Variants in EML6 observed in about 807,000 individuals in gnomAD.
EML6 encodes the protein echinoderm microtubule-associated protein-like 6.
A neutral mutation model predicts 240.1 loss-of-function variants in EML6; 154 were observed. The observed-to-expected ratio is 0.64, with a 90% confidence interval of 0.56 to 0.73. The LOEUF (loss-of-function observed/expected upper bound fraction) is 0.73. EML6 is among the 30% of genes least tolerant of loss of function. EML6 has a pLI of 0.00. For synonymous variants in EML6, 1,148 were observed against 899.0 expected, an observed-to-expected ratio of 1.28 and a Z score of -4.95; for missense variants, 2,964 against 2,474.6, an observed-to-expected ratio of 1.20 and a Z score of -4.20.
chr2:54,954,099 C>T lies in EML6; in HGVS notation c.4429C>T (p.Leu1477=), dbSNP rs1676118154. ...CAACTTCAGTGCAACTGGAAAGCTC[C>T]TGGTGTCGGTGGGAGTGGACCCTGA... ...YINFSATGKL[L]VSVGVDPEHT... is the part of the protein sequence containing the mutation. The change falls in exon 32 of 42, where the codon CTG becomes TTG. Residue 1477 remains leucine (L), a synonymous_variant. Transcript: ENST00000356458. 4.5e-6 allele frequency: 7 copies of T among 1,551,654 alleles called. No individual in the cohort carries two copies. Among genetic ancestry groups the T allele is most frequent in the Middle Eastern group, 1.7e-4 (1 of 6,014 alleles).
chr2:54,819,282 G>T (rs1477815661), intron 4 of EML6, among the ~76,000 whole-genome samples: 2 of 152,112 alleles, frequency 1.3e-5, no homozygotes, highest in African/African-American at 2.4e-5. Flanking sequence ...ACCTCCATCA[G>T]AATCTCCTGG....
Position 54,957,837 on chromosome 2 carries a change from G to T in EML6, c.4534G>T (p.Val1512Leu), listed in dbSNP as rs754068579. 1.7e-5 allele frequency: 27 copies of T among 1,550,424 alleles called. No homozygotes were observed. Among genetic ancestry groups the T allele is most frequent in the Non-Finnish European group, 3.5e-6 (4 of 1,147,014 alleles). Residue 1512 changes from valine (V) to leucine (L), a missense_variant, in exon 33 of 42, where the codon GTG becomes TTG. Val to Leu is a conservative substitution (Grantham distance 32). Transcript: ENST00000356458. Reference sequence around the variant, plus strand: ...GGGTCACCTGGAGCGCATATTTGTGGTGGAATTTCGCCCCGACTCAGACAC... The same window carrying T: ...GGGTCACCTGGAGCGCATATTTGTGTTGGAATTTCGCCCCGACTCAGACAC... The part of the protein sequence containing the change: ...RGGHLERIFV[V>L]EFRPDSDTQF...
chr2:54,945,957 C>T (rs1675676243), intron 28 of EML6, among the ~76,000 whole-genome samples: 1 of 152,172 alleles, frequency 6.6e-6, no homozygotes, highest in African/African-American at 2.4e-5. Flanking sequence ...TTGTGACTCT[C>T]CCCACAGGCA....
At position 54,962,553 on chromosome 2, in the gene EML6, G is replaced by T. The variant is rs1240398670; in HGVS notation, c.4999G>T (p.Glu1667Ter). ...GKILVGTKDG[E>*]IIEVGEKNAA... The stretch of plus-strand genomic sequence containing the variant: ...AATCTTAGTGGGAACCAAAGACGGA[G>T]AAATAATTGAAGTTGGTGAAAAAAA... Residue 1667 changes from glutamate (E) to a stop codon, truncating the protein, a stop_gained, in exon 36 of 42, where the codon GAA (glutamate) becomes TAA (stop). Coordinates refer to ENST00000356458, the MANE Select transcript of EML6 (RefSeq NM_001039753.4). LOFTEE classifies it high-confidence loss of function. The T allele has an allele frequency of 7.8e-6, 12 of 1,547,940 alleles. No homozygotes were observed. The highest frequency in any genetic ancestry group is 7.4e-5 in the East Asian group (3 of 40,800).
At chr2:54,753,267 C>T (rs931618180) in intron 2 of EML6, among the ~76,000 whole-genome samples, 5 of 152,212 alleles carry the variant, frequency 3.3e-5, no homozygotes, top group Admixed American at 2.0e-4. Flanking sequence ...TCATCAATAA[C>T]ATTGAGCACT....
chr2:54,866,485 A>T (rs922020382), intron 13 of EML6, among the ~76,000 whole-genome samples: 1 of 152,214 alleles, frequency 6.6e-6, no homozygotes, highest in East Asian at 1.9e-4. Flanking sequence ...TTTTATTTAT[A>T]TTTTACTGAT....
intron 30 of EML6, among the ~76,000 whole-genome samples, chr2:54,951,092 T>C (rs959538019): frequency 6.6e-6 from 1 of 152,190 alleles, no homozygotes; most frequent in Non-Finnish European, 1.5e-5. Flanking sequence ...GTGGAGAAAT[T>C]CCTTGGAGAC....
intron 17 of EML6, among the ~76,000 whole-genome samples, chr2:54,888,134 T>A (rs1672253983): frequency 6.6e-6 from 1 of 152,210 alleles, no homozygotes; most frequent in Non-Finnish European, 1.5e-5. Context: ...CAGGAGGCAG[T>A]GCTCAAATAT....
chr2:54,845,048 T>A (rs1390467980), intron 8 of EML6, among the ~76,000 whole-genome samples: 1 of 152,232 alleles, frequency 6.6e-6, no homozygotes, highest in African/African-American at 2.4e-5. Context: ...TGCCTCTGGG[T>A]TTTGATAGCT....
intron 2 of EML6, among the ~76,000 whole-genome samples, chr2:54,756,368 A>G (rs138279885): frequency 6.6e-6 from 1 of 152,354 alleles, no homozygotes; most frequent in East Asian, 1.9e-4. Context: ...AATAAAATTC[A>G]CTTTGTCCAA....
chr2:54,923,439 C>T (rs546547924), intron 26 of EML6, among the ~76,000 whole-genome samples: 7 of 148,382 alleles, frequency 4.7e-5, no homozygotes, highest in South Asian at 2.2e-4. Context: ...GCATTAATTA[C>T]CTTGATTGTA....
At chr2:54,933,426 G>A (rs768093449) in intron 28 of EML6, among the ~76,000 whole-genome samples, 3 of 151,948 alleles carry the variant, frequency 2.0e-5, no homozygotes, top group Non-Finnish European at 4.4e-5. Context: ...TCTTAAAATG[G>A]CCCCATTTAA....
chr2:54,899,806 C>A, intron 22 of EML6, 24 bp downstream of exon 22: 1 of 1,538,672 alleles, frequency 6.5e-7, no homozygotes, highest in Non-Finnish European at 8.8e-7. Context: ...CCTTACACAT[C>A]TGTCAGAGTA....
In EML6 at chr2:54,853,680, G is replaced by T. The variant is rs1428386106; in HGVS notation, c.1482G>T (p.Gly494=). ...KPLTSKEEIK[G]IPWASWTCVK... is the part of the protein sequence containing the mutation. ...TAACAAGTAAAGAAGAAATTAAAGG[G>T]ATTCCTTGGGCCTCCTGGACATGCG... The change falls in exon 11 of 42, where the codon GGG becomes GGT. Residue 494 remains glycine (G), a synonymous_variant. Transcript: ENST00000356458. The T allele has an allele frequency of 1.3e-6, 2 of 1,549,282 alleles. No individual in the cohort carries two copies. Among genetic ancestry groups the T allele is most frequent in the Admixed American group, 2.0e-5 (1 of 50,740 alleles).
intron 24 of EML6, among the ~76,000 whole-genome samples, chr2:54,907,931 GATAGATAGATAGATAAGATAGAT>G (rs1673417995): frequency 2.2e-5 from 1 of 46,328 alleles, no homozygotes; most frequent in East Asian, 4.2e-4. Context: ...TAGATAGATA[GATAGATAGATAGATAAGATAGAT>G]AGATAGATAG....
Position 54,773,114 on chromosome 2 carries a change from C to T in EML6, c.198-40118C>T, listed in dbSNP as rs1015497043. On this transcript the variant is annotated intron_variant, in intron 2 of 41. Transcript: ENST00000356458. ...CCCCAGATGAGCTGCCTCAGGAGTG[C>T]CAGCCTGTGGGCGGCTGGGTGAGCT... is the stretch of plus-strand genomic sequence containing the variant. 1.9e-4 allele frequency among the ~76,000 whole-genome samples: 29 copies of T among 152,194 alleles called. 1 individual carries two copies. The highest frequency in any genetic ancestry group is 5.8e-4 in the African/African-American group (24 of 41,452).
chr2:54,738,773 G>A (rs1683508528), intron 2 of EML6, among the ~76,000 whole-genome samples: 1 of 152,150 alleles, frequency 6.6e-6, no homozygotes, highest in African/African-American at 2.4e-5. Context: ...TGGAAATACT[G>A]GAGTTTATCT....
chr2:54,856,873 G>A (rs1457514785), intron 11 of EML6, among the ~76,000 whole-genome samples: 1 of 152,190 alleles, frequency 6.6e-6, no homozygotes, highest in Non-Finnish European at 1.5e-5. Flanking sequence ...TTCAAGTAGA[G>A]AAGTTATTGC....
intron 32 of EML6, 125 bp from the exon 33 acceptor site, chr2:54,957,665 A>G (rs1317826685): frequency 2.5e-6 from 2 of 788,372 alleles, no homozygotes; most frequent in East Asian, 5.4e-5. Context: ...AAGGGGAGAG[A>G]GTGCTGTAAA....
Sources: gnomAD v4.1 joint callset for allele counts (sites outside exome capture counted in the v4.1 genomes callset) on GRCh38, gnomAD v4.1.1 for gene constraint, MANE v1.5 for transcripts, NCBI Gene and HGNC (gene_info 2026-07-23, HGNC 2026-07-21) for gene names.